C11orf42: variants seen among roughly 807,000 people sequenced by gnomAD.
C11orf42 encodes chromosome 11 open reading frame 42, also known as uncharacterized protein C11orf42.
C11orf42 carries 24 observed loss-of-function variants against 27.9 expected under a neutral mutation model. The ratio of observed to expected loss-of-function variants is 0.86; its 90% CI spans 0.62 to 1.21. The LOEUF is 1.21. Among genes scored for constraint, C11orf42 ranks in the 50% most tolerant of loss-of-function variants. C11orf42 has a pLI of 0.00. For missense variants in C11orf42, 455 were observed against 424.1 expected, an observed-to-expected ratio of 1.07 and a Z score of -0.64; for synonymous variants, 187 against 180.8, an observed-to-expected ratio of 1.03 and a Z score of -0.28.
chr11:6,208,002 A>C (rs2133762659), intron 1 of C11orf42, among the ~76,000 whole-genome samples: 1 of 152,298 alleles, frequency 6.6e-6, no homozygotes, highest in East Asian at 1.9e-4. Flanking sequence ...GAGATGCCCA[A>C]AGAGGAAATT....
At chr11:6,206,901 G>A (rs191403026) in intron 1 of C11orf42, among the ~76,000 whole-genome samples, 185 of 152,270 alleles carry the variant, frequency 1.2e-3, no homozygotes, top group Non-Finnish European at 2.0e-3. Context: ...CTGGCATTAC[G>A]GGGCAAATTC....
chr11:6,207,181 T>C (rs368673630), intron 1 of C11orf42, among the ~76,000 whole-genome samples: 3 of 152,186 alleles, frequency 2.0e-5, no homozygotes, highest in African/African-American at 7.2e-5. Context: ...TAGTCTTAAA[T>C]AGTGATTCTA....
At chr11:6,207,850 T>A (rs1044039004) in intron 1 of C11orf42, among the ~76,000 whole-genome samples, 1 of 152,134 alleles carries the variant, frequency 6.6e-6, no homozygotes, top group Non-Finnish European at 1.5e-5. Flanking sequence ...AAAAAGCAGA[T>A]CAGCCTTAAG....
chr11:6,208,497 G>T (rs1333905404), intron 1 of C11orf42, among the ~76,000 whole-genome samples: 1 of 152,096 alleles, frequency 6.6e-6, no homozygotes, highest in African/African-American at 2.4e-5. Flanking sequence ...TGCCATCTCG[G>T]CTCACTGCAA....
chr11:6,205,601 C>T lies in C11orf42; in HGVS notation c.-15C>T, dbSNP rs1214947890. On this transcript the variant is annotated 5_prime_UTR_variant, in exon 1 of 3. Transcript: ENST00000316375. ...CAGCAGCCACTGCCCTGCCCAATCCCTCCCATACCCCACCATGTTGGTGGG... is the reference window on the plus strand; with the variant it reads ...CAGCAGCCACTGCCCTGCCCAATCCTTCCCATACCCCACCATGTTGGTGGG... 1 of 1,612,400 alleles carries T rather than the reference C, an allele frequency of 6.2e-7. No individual in the cohort carries two copies. Among genetic ancestry groups the T allele is most frequent in the South Asian group, 1.1e-5 (1 of 90,966 alleles).
At position 6,210,777 on chromosome 11, in the gene C11orf42, G is replaced by A; in HGVS notation, c.871+129G>A. The A allele has an allele frequency of 7.2e-7, 1 of 1,383,976 alleles. No homozygotes were observed. The highest frequency in any genetic ancestry group is 9.8e-7 in the Non-Finnish European group (1 of 1,023,484). 85.7% of individuals were successfully genotyped at this position (1,383,976 alleles called of 1,614,324 possible). A position where few individuals can be genotyped will look rare whatever the true frequency, so the allele number is the denominator to read the frequency against. On this transcript the variant is annotated intron_variant, in intron 2 of 2. Coordinates refer to ENST00000316375, the MANE Select transcript of C11orf42 (RefSeq NM_173525.3). This position sits in a 1 kb window ranked among gnomAD's most constrained non-coding sequence, Gnocchi z 4.0. ...GCTCTGGTGAAAGAGATGGAATGAG[G>A]GAGACTGGGGAGGGTGAGATGGAAT... is the stretch of plus-strand genomic sequence containing the variant.
chr11:6,208,906 G>A (rs576682711), intron 1 of C11orf42, among the ~76,000 whole-genome samples: 2 of 152,146 alleles, frequency 1.3e-5, no homozygotes, highest in South Asian at 4.1e-4. Flanking sequence ...CAGGCGCGGT[G>A]GCTCACATCT....
rs1847039495 is a variant in C11orf42, at chr11:6,210,451, G to C, written c.674G>C (p.Trp225Ser). The C allele has an allele frequency of 6.2e-7, 1 of 1,614,186 alleles. No individual in the cohort carries two copies. Among genetic ancestry groups the C allele is most frequent in the African/African-American group, 1.3e-5 (1 of 75,054 alleles). ...TKDPLPHGAN[W>S]VRPNLSIMPP... ...GACCCATTGCCCCATGGGGCCAACT[G>C]GGTCAGACCCAACCTCAGCATCATG... The change falls in exon 2 of 3, where the codon TGG (tryptophan) becomes TCG (serine). Residue 225 changes from tryptophan to serine, a missense_variant. Physicochemically the swap from Trp to Ser is radical, Grantham distance 177. Transcript: ENST00000316375. The surrounding 1 kb of genome is among the most constrained non-coding windows in gnomAD (Gnocchi z 4.0).
At chr11:6,208,074 T>C (rs1389330165) in intron 1 of C11orf42, among the ~76,000 whole-genome samples, 3 of 152,138 alleles carry the variant, frequency 2.0e-5, no homozygotes, top group African/African-American at 4.8e-5. Context: ...AAATCCTGAA[T>C]GGGTTGAAAC....
chr11:6,209,785 T>C, intron 1 of C11orf42, 65 bp from the exon 2 acceptor site: 1 of 1,486,068 alleles, frequency 6.7e-7, no homozygotes. Context: ...TGGGGGTCAA[T>C]TTAAAGTAGG....
Position 6,210,835 on chromosome 11 carries a change from C to T in C11orf42, c.872-77C>T. ...CCCTAGGAAGGGGATTGGGATGGCA[C>T]AGAGGACCAGAGGGAAAAGCTAGGG... On this transcript the variant is annotated intron_variant, in intron 2 of 2. Transcript: ENST00000316375. This position sits in a 1 kb window ranked among gnomAD's most constrained non-coding sequence, Gnocchi z 4.0. 6 of 1,482,324 alleles carry T rather than the reference C, an allele frequency of 4.0e-6. No homozygotes were observed. Among genetic ancestry groups the T allele is most frequent in the Non-Finnish European group, 4.5e-6 (5 of 1,111,648 alleles). 91.8% of individuals were successfully genotyped at this position (1,482,324 alleles called of 1,614,324 possible).
Position 6,210,857 on chromosome 11 carries a change from A to G in C11orf42, c.872-55A>G. The G allele has an allele frequency of 6.6e-7, 1 of 1,521,932 alleles. No individual in the cohort carries two copies. Among genetic ancestry groups the G allele is most frequent in the African/African-American group, 1.4e-5 (1 of 71,200 alleles). 94.3% of individuals were successfully genotyped at this position (1,521,932 alleles called of 1,614,324 possible). On this transcript the variant is annotated intron_variant, in intron 2 of 2. Coordinates refer to ENST00000316375, the MANE Select transcript of C11orf42 (RefSeq NM_173525.3). This position sits in a 1 kb window ranked among gnomAD's most constrained non-coding sequence, Gnocchi z 4.0. ...GCACAGAGGACCAGAGGGAAAAGCT[A>G]GGGGGGGAAAAGACCAGCCATGAGT...
At chr11:6,207,379 T>C (rs1846990830) in intron 1 of C11orf42, among the ~76,000 whole-genome samples, 1 of 152,166 alleles carries the variant, frequency 6.6e-6, no homozygotes, top group Non-Finnish European at 1.5e-5. Context: ...TAGCAGAAAC[T>C]TGGATAATAA....
Position 6,210,249 on chromosome 11 carries a change from A to C in C11orf42, c.472A>C (p.Ser158Arg), listed in dbSNP as rs751777431. 6.2e-6 allele frequency: 10 copies of C among 1,614,132 alleles called. No homozygotes were observed. In the East Asian group the frequency reaches 2.0e-4, roughly 32 times the overall value. The change falls in exon 2 of 3, where the codon AGC (serine) becomes CGC (arginine). Residue 158 changes from serine to arginine, a missense_variant. Coordinates refer to ENST00000316375, the MANE Select transcript of C11orf42 (RefSeq NM_173525.3). This position sits in a 1 kb window ranked among gnomAD's most constrained non-coding sequence, Gnocchi z 4.0. Reference sequence around the variant, plus strand: ...TCTTCCCTGGCTCCGAAGCACCCACAGCATCTATGTCATCTACCAGGTCTT... The same window carrying C: ...TCTTCCCTGGCTCCGAAGCACCCACCGCATCTATGTCATCTACCAGGTCTT... ...QTLPWLRSTH[S>R]IYVIYQVFSC...
chr11:6,207,371 G>C (rs1846990736), intron 1 of C11orf42, among the ~76,000 whole-genome samples: 1 of 152,136 alleles, frequency 6.6e-6, no homozygotes, highest in African/African-American at 2.4e-5. Context: ...CACCCTTTTA[G>C]CAGAAACTTG....
chr11:6,205,880 CA>C (rs889841263), intron 1 of C11orf42, among the ~76,000 whole-genome samples, 193 bp downstream of exon 1: 1 of 151,914 alleles, frequency 6.6e-6, no homozygotes, highest in African/African-American at 2.4e-5. Flanking sequence ...ACTACAAAAA[CA>C]GTAAAAAAGG....
chr11:6,210,328 TC>T lies in C11orf42; in HGVS notation c.553del (p.Leu185SerfsTer171). 1.2e-6 allele frequency: 2 copies of T among 1,614,164 alleles called. No homozygotes were observed. The highest frequency in any genetic ancestry group is 1.7e-6 in the Non-Finnish European group (2 of 1,180,010). On this transcript the variant is annotated frameshift_variant, in exon 2 of 3. Transcript: ENST00000316375. LOFTEE classifies it high-confidence loss of function. This position sits in a 1 kb window ranked among gnomAD's most constrained non-coding sequence, Gnocchi z 4.0. ...GLTSTAREPQ[L>X]LRLLRSLPVA... ...ACGTCTACAGCCCGTGAGCCCCAGC[TC>T]CTCCGGCTACTTCGGTCATTACCTG...
Position 6,207,290 on chromosome 11 carries a change from A to G in C11orf42, c.72+1603A>G, listed in dbSNP as rs115616978. Among the ~76,000 whole-genome samples the G allele has an allele frequency of 9.7e-3, 1,483 of 152,330 alleles. 25 individuals carry two copies. The highest frequency in any genetic ancestry group is 0.034 in the African/African-American group (1,426 of 41,564). On this transcript the variant is annotated intron_variant, in intron 1 of 2. Transcript: ENST00000316375. Reference sequence around the variant, plus strand: ...CAAGGTTAAGGAGGGTTAGAATTAGACAACTTAATGCCTGTCAGCATATAG... The same window carrying G: ...CAAGGTTAAGGAGGGTTAGAATTAGGCAACTTAATGCCTGTCAGCATATAG...
chr11:6,206,316 ACAG>A (rs1414702786), intron 1 of C11orf42, among the ~76,000 whole-genome samples: 1 of 152,194 alleles, frequency 6.6e-6, no homozygotes, highest in Non-Finnish European at 1.5e-5. Context: ...AAACTCTTTC[ACAG>A]ATCTCCTCCA....
Sources: gnomAD v4.1 joint callset for allele counts (sites outside exome capture counted in the v4.1 genomes callset) on GRCh38, gnomAD v4.1.1 for gene constraint, Gnocchi (gnomAD v3.1) non-coding constraint, MANE v1.5 for transcripts, NCBI Gene and HGNC (gene_info 2026-07-23, HGNC 2026-07-21) for gene names.